Variants in POLR3H observed in about 807,000 individuals in gnomAD.
POLR3H encodes DNA-directed RNA polymerase III subunit RPC8.
In POLR3H, 17 loss-of-function variants were observed where a neutral mutation model predicts 25.5. The ratio of observed to expected loss-of-function variants is 0.67; its 90% CI spans 0.46 to 1.00. POLR3H has a LOEUF of 1.00. Among genes scored for constraint, POLR3H ranks in the 50% least tolerant of loss-of-function variants. The pLI is 0.00. For synonymous variants in POLR3H, 129 were observed against 103.0 expected, an observed-to-expected ratio of 1.25 and a Z score of -1.53; for missense variants, 274 against 265.0, an observed-to-expected ratio of 1.03 and a Z score of -0.24.
intron 1 of POLR3H, chr22:41,543,667 A>C: frequency 6.6e-6 from 3 of 453,752 alleles, no homozygotes; most frequent in East Asian, 5.5e-5. Context: ...ACAACAACAA[A>C]AACAATGCAT....
chr22:41,541,570 C>A (rs1200579507), intron 1 of POLR3H, among the ~76,000 whole-genome samples: 1 of 152,224 alleles, frequency 6.6e-6, no homozygotes, highest in Non-Finnish European at 1.5e-5. Context: ...GTGGCCAGAC[C>A]TCACCAAGAT....
intron 2 of POLR3H, among the ~76,000 whole-genome samples, chr22:41,536,133 C>T (rs1480103716): frequency 1.3e-5 from 2 of 151,340 alleles, no homozygotes; most frequent in Admixed American, 1.3e-4. Context: ...TGGCTCACGC[C>T]TGTAATCCCA....
rs1428463384 is a variant in POLR3H at position 41,543,792 on chromosome 22, T to G, written c.111+199A>C. ...AATTTAGAATTGTGGAATCTAACAC[T>G]TCCAGTTACAACTCCCTTTTTCAAG... On this transcript the variant is annotated intron_variant, in intron 1 of 5. Coordinates refer to ENST00000355209, the MANE Select transcript of POLR3H (RefSeq NM_001018050.4). 4 of 699,838 alleles carry G rather than the reference T, an allele frequency of 5.7e-6. No individual in the cohort carries two copies. In the Admixed American group the frequency reaches 8.1e-5, roughly 14 times the overall value. 43.4% of individuals were successfully genotyped at this position (699,838 alleles called of 1,614,324 possible). A position where few individuals can be genotyped will look rare whatever the true frequency, so the allele number is the denominator to read the frequency against.
chr22:41,543,191 A>ATT (rs2066958184), intron 1 of POLR3H, among the ~76,000 whole-genome samples: 1 of 152,204 alleles, frequency 6.6e-6, no homozygotes, highest in African/African-American at 2.4e-5. Flanking sequence ...ACTGTCAAAG[A>ATT]AACGGCAGTG....
rs753126664 is a variant in POLR3H, at chr22:41,533,789, G to A, written c.209-1044C>T. ...ATGAGGGCGGCCAAGGGCCACTTAC[G>A]CACAGATGGAAAAACCCTGTCCCCC... On this transcript the variant is annotated intron_variant, in intron 2 of 5. Transcript: ENST00000355209. 1.0e-3 allele frequency: 1,074 copies of A among 1,038,114 alleles called. 1 individual carries two copies. The highest frequency in any genetic ancestry group is 1.3e-3 in the Non-Finnish European group (978 of 753,936). 64.3% of individuals were successfully genotyped at this position (1,038,114 alleles called of 1,614,324 possible).
In POLR3H at chr22:41,528,198, G is replaced by C. The variant is rs2146155869; in HGVS notation, c.*1085C>G. 1 of 1,040,228 alleles carries C rather than the reference G, an allele frequency of 9.6e-7. No individual in the cohort carries two copies. Among genetic ancestry groups the C allele is most frequent in the South Asian group, 1.6e-5 (1 of 62,114 alleles). 64.4% of individuals were successfully genotyped at this position (1,040,228 alleles called of 1,614,324 possible). On this transcript the variant is annotated 3_prime_UTR_variant, in exon 6 of 6. Transcript: ENST00000355209. ...AGTGGCTTCTCAGAGTTGGGGGTTG[G>C]AGTCAACCCGGGGCCCTCACACCTC... is the stretch of plus-strand genomic sequence containing the variant.
At chr22:41,529,815 G>A (rs555833114) in intron 5 of POLR3H, 39 of 410,966 alleles carry the variant, frequency 9.5e-5, no homozygotes, top group Non-Finnish European at 1.7e-4. Context: ...GAGTGGAGTG[G>A]CACGATCTTG....
In POLR3H at chr22:41,526,552, A is replaced by T; in HGVS notation, c.*2731T>A. The stretch of plus-strand genomic sequence containing the variant: ...ATTAGGGGAGTGGAAACTGGGAAGG[A>T]GGCCGACCAAGCCCAAAGGGGACTG... On this transcript the variant is annotated 3_prime_UTR_variant, in exon 6 of 6. Coordinates refer to ENST00000355209, the MANE Select transcript of POLR3H (RefSeq NM_001018050.4). The T allele has an allele frequency of 7.3e-7, 1 of 1,363,696 alleles. No homozygotes were observed. The highest frequency in any genetic ancestry group is 9.9e-7 in the Non-Finnish European group (1 of 1,007,436). The allele number at this position is 1,363,696 out of a possible 1,614,324, so 84.5% of individuals were successfully genotyped here. A position where few individuals can be genotyped will look rare whatever the true frequency, so the allele number is the denominator to read the frequency against.
chr22:41,526,444 C>A lies in POLR3H; in HGVS notation c.*2839G>T. ...TTGGCCCCGTCCCTGACACTGCCCG[C>A]TACTACAAGGTGGGTCAGAGTTGAT... On this transcript the variant is annotated 3_prime_UTR_variant, in exon 6 of 6. Transcript: ENST00000355209. The A allele has an allele frequency of 6.2e-7, 1 of 1,612,374 alleles. No homozygotes were observed. The highest frequency in any genetic ancestry group is 8.5e-7 in the Non-Finnish European group (1 of 1,178,980).
intron 2 of POLR3H, among the ~76,000 whole-genome samples, chr22:41,536,147 C>A (rs546810696): frequency 6.6e-6 from 1 of 151,406 alleles, no homozygotes; most frequent in African/African-American, 2.4e-5. Flanking sequence ...AATCCCAGCA[C>A]TTTGGGAGCC....
chr22:41,541,634 CT>C (rs2066930872), intron 1 of POLR3H, among the ~76,000 whole-genome samples: 1 of 152,214 alleles, frequency 6.6e-6, no homozygotes, highest in African/African-American at 2.4e-5. Flanking sequence ...TGTGGGCCCC[CT>C]CTCAAACGAT....
chr22:41,532,113 G>C lies in POLR3H; in HGVS notation c.340C>G (p.Leu114Val), dbSNP rs2066746865. 1.9e-6 allele frequency: 3 copies of C among 1,614,144 alleles called. No individual in the cohort carries two copies. The East Asian group carries it at 6.7e-5, about 36-fold the overall frequency. Residue 114 changes from leucine to valine, a missense_variant, in exon 4 of 6, where the codon CTG becomes GTG. Physicochemically the swap from Leu to Val is conservative, Grantham distance 32 (BLOSUM62 1). Coordinates refer to ENST00000355209, the MANE Select transcript of POLR3H (RefSeq NM_001018050.4). ...FDDILIPPES[L>V]QQPAKFDEAE... ...GGATACAACTTGGCTGGCTGCTGCA[G>C]TGACTCTGGGGGGATGAGAATGTCA...
chr22:41,544,375 A>C lies in POLR3H; in HGVS notation c.-274T>G, dbSNP rs1277071997. 8 of 325,698 alleles carry C rather than the reference A, an allele frequency of 2.5e-5. No individual in the cohort carries two copies. Among genetic ancestry groups the C allele is most frequent in the Middle Eastern group, 8.2e-4 (1 of 1,214 alleles). The allele number at this position is 325,698 out of a possible 1,614,324, so 20.2% of individuals were successfully genotyped here. A position where few individuals can be genotyped will look rare whatever the true frequency, so the allele number is the denominator to read the frequency against. ...CCGCCACGCCACGCCACTCCACGCC[A>C]CGCCACTCCACGCCCCGCACCCGCG... On this transcript the variant is annotated 5_prime_UTR_variant, in exon 1 of 6. Coordinates refer to ENST00000355209, the MANE Select transcript of POLR3H (RefSeq NM_001018050.4).
Position 41,544,118 on chromosome 22 carries a change from G to A in POLR3H, c.-17C>T. On this transcript the variant is annotated 5_prime_UTR_variant, in exon 1 of 6. Transcript: ENST00000355209. ...GACGAACATCCCGGCCTGCGCTGGG[G>A]GCTCTGGGAACAGGAGGGTCAGTCA... 6.4e-7 allele frequency: 1 copy of A among 1,551,332 alleles called. No individual in the cohort carries two copies.
chr22:41,532,163 AG>A lies in POLR3H; in HGVS notation c.296-7del, dbSNP rs1555892307. ...ATCGAAGAAGCCTAGAGAGACTGGA[AG>A]GAAGGAAGCAGGTGACGGCCTGAGA... On this transcript the variant is annotated splice_region_variant and splice_polypyrimidine_tract_variant and intron_variant, in intron 3 of 5. Transcript: ENST00000355209. The A allele has an allele frequency of 6.2e-7, 1 of 1,613,620 alleles. No individual in the cohort carries two copies. Among genetic ancestry groups the A allele is most frequent in the Non-Finnish European group, 8.5e-7 (1 of 1,179,714 alleles).
chr22:41,535,147 T>C (rs944722723), intron 2 of POLR3H, among the ~76,000 whole-genome samples: 7 of 152,188 alleles, frequency 4.6e-5, no homozygotes, highest in African/African-American at 1.7e-4. Context: ...ATAATCGGTG[T>C]TGAGTTCTTC....
chr22:41,526,249 C>T lies in POLR3H; in HGVS notation c.*3034G>A. The T allele has an allele frequency of 1.9e-6, 3 of 1,609,870 alleles. No individual in the cohort carries two copies. The highest frequency in any genetic ancestry group is 2.2e-5 in the East Asian group (1 of 44,852). On this transcript the variant is annotated 3_prime_UTR_variant, in exon 6 of 6. Transcript: ENST00000355209. ...CATGCCCTGACCTCTGTCCTCTCTA[C>T]TTACCACCCAAGGTCAAAGGGAAGT... is the stretch of plus-strand genomic sequence containing the variant.
At chr22:41,542,424 T>G (rs1348862330) in intron 1 of POLR3H, among the ~76,000 whole-genome samples, 2 of 152,082 alleles carry the variant, frequency 1.3e-5, no homozygotes, top group Non-Finnish European at 2.9e-5. Context: ...TGCCAGTTCC[T>G]GCCTTCAGGG....
In POLR3H at chr22:41,526,905, G is replaced by C. The variant is rs1421343417; in HGVS notation, c.*2378C>G. The C allele has an allele frequency of 1.5e-5, 5 of 335,122 alleles. No individual in the cohort carries two copies. Among genetic ancestry groups the C allele is most frequent in the Non-Finnish European group, 2.2e-5 (4 of 180,768 alleles). 20.8% of individuals were successfully genotyped at this position (335,122 alleles called of 1,614,324 possible). A position where few individuals can be genotyped will look rare whatever the true frequency, so the allele number is the denominator to read the frequency against. ...GAAAGGACTCTGGCACCCCCTGGTG[G>C]CTGGGTGGGGCAGAGGGTGCTCCCA... On this transcript the variant is annotated 3_prime_UTR_variant, in exon 6 of 6. Transcript: ENST00000355209.
Sources: allele counts gnomAD v4.1 joint callset (sites outside exome capture counted in the v4.1 genomes callset), GRCh38; gene constraint gnomAD v4.1.1; transcripts MANE v1.5; gene names NCBI Gene and HGNC (gene_info 2026-07-23, HGNC 2026-07-21).